LRP1B: variants seen among roughly 807,000 people sequenced by gnomAD.
LRP1B encodes the protein LDL receptor related protein 1B, also known as low-density lipoprotein receptor-related protein 1B.
LRP1B carries 217 observed loss-of-function variants against 556.6 expected under a neutral mutation model. That is an observed-to-expected ratio of 0.39 (90% CI 0.35 to 0.44). The LOEUF (loss-of-function observed/expected upper bound fraction) is 0.44. LRP1B is among the 20% of genes least tolerant of loss of function. LRP1B has a pLI of 1.00. For missense variants in LRP1B, 5,053 were observed against 5,620.8 expected (o/e 0.90, Z 3.23); for synonymous variants, 2,047 against 1,865.8 (o/e 1.10, Z -2.50).
At chr2:140,302,500 T>C (rs1221997300) in intron 83 of LRP1B, among the ~76,000 whole-genome samples, 1 of 152,198 alleles carries the variant, frequency 6.6e-6, no homozygotes, top group Non-Finnish European at 1.5e-5. Flanking sequence ...AGATAATTAC[T>C]ATGATGGTTC....
Position 140,410,280 on chromosome 2 carries a change from AT to A in LRP1B, c.10415-24272del, listed in dbSNP as rs1392680352. Among the ~76,000 whole-genome samples the A allele has an allele frequency of 7.9e-5, 12 of 152,196 alleles. No individual in the cohort carries two copies. The South Asian group carries it at 2.5e-3, about 32-fold the overall frequency. ...CTTACAGTTCAACTAGGTGTTACAT[AT>A]CAATAAATGATCACATTAGCCTTTA... On this transcript the variant is annotated intron_variant, in intron 66 of 90. Transcript: ENST00000389484.
chr2:140,454,861 A>G (rs1687032639), intron 62 of LRP1B, among the ~76,000 whole-genome samples: 2 of 148,540 alleles, frequency 1.3e-5, no homozygotes, highest in South Asian at 2.1e-4. Context: ...CTGTGCTTCA[A>G]AGAATGCTGT....
Position 140,247,144 on chromosome 2 carries a change from T to C in LRP1B, c.13266A>G (p.Ser4422=), listed in dbSNP as rs2104899214. 1 of 1,608,780 alleles carries C rather than the reference T, an allele frequency of 6.2e-7. No individual in the cohort carries two copies. The highest frequency in any genetic ancestry group is 8.5e-7 in the Non-Finnish European group (1 of 1,176,212). ...VPVCLCSTNW[S]GTQCERPAPK... ...GGGCTGGCCTTTCACACTGTGTGCC[T>C]GACCAGTTGGTGGAGCATCTAAAAA... is the stretch of plus-strand genomic sequence containing the variant. The change falls in exon 87 of 91, where the codon TCA becomes TCG. Residue 4422 remains serine (S), a synonymous_variant. Transcript: ENST00000389484.
chr2:140,805,647 A>G (rs536155022), intron 32 of LRP1B, among the ~76,000 whole-genome samples: 31 of 152,306 alleles, frequency 2.0e-4, no homozygotes, highest in Admixed American at 7.8e-4. Context: ...TTTAACCAAT[A>G]TAATCATTTA....
intron 7 of LRP1B, among the ~76,000 whole-genome samples, chr2:141,065,294 A>G (rs116036184): frequency 0.016 from 2,463 of 151,992 alleles, 30 homozygotes; most frequent in Middle Eastern, 0.027. Flanking sequence ...AAGGTTAGGA[A>G]AGACAAGGAC....
At chr2:141,880,399 G>A (rs746271529) in intron 1 of LRP1B, among the ~76,000 whole-genome samples, 1 of 151,938 alleles carries the variant, frequency 6.6e-6, no homozygotes, top group Non-Finnish European at 1.5e-5. Flanking sequence ...TTATAAATAT[G>A]TGATACATAT....
intron 62 of LRP1B, among the ~76,000 whole-genome samples, chr2:140,451,852 A>T (rs977833401): frequency 2.6e-5 from 4 of 152,162 alleles, no homozygotes; most frequent in African/African-American, 4.8e-5. Flanking sequence ...ACCTAAAAAA[A>T]AAACTTTTCA....
chr2:141,508,285 A>C (rs1272158529), intron 2 of LRP1B, among the ~76,000 whole-genome samples: 1 of 152,090 alleles, frequency 6.6e-6, no homozygotes, highest in African/African-American at 2.4e-5. Flanking sequence ...ACTTTTACAG[A>C]AGGTATTTGA....
At chr2:141,511,040 T>A (rs1396911985) in intron 2 of LRP1B, among the ~76,000 whole-genome samples, 1 of 152,088 alleles carries the variant, frequency 6.6e-6, no homozygotes, top group African/African-American at 2.4e-5. Context: ...CTTAAGGTAA[T>A]AAGGTTAGAG....
intron 3 of LRP1B, among the ~76,000 whole-genome samples, chr2:141,451,779 T>C (rs1276260946): frequency 1.3e-5 from 2 of 152,218 alleles, no homozygotes; most frequent in Non-Finnish European, 1.5e-5. Flanking sequence ...CTTTTGTCAA[T>C]AGAAGTTATT....
intron 2 of LRP1B, among the ~76,000 whole-genome samples, chr2:141,501,410 A>G (rs1683706701): frequency 6.6e-6 from 1 of 152,180 alleles, no homozygotes; most frequent in Non-Finnish European, 1.5e-5. Context: ...TAAAAGGAGA[A>G]ATCATAGTAT....
At chr2:141,899,302 A>T (rs771902112) in intron 1 of LRP1B, among the ~76,000 whole-genome samples, 2 of 152,088 alleles carry the variant, frequency 1.3e-5, no homozygotes, top group Non-Finnish European at 2.9e-5. Context: ...TCGCAACATA[A>T]GATTTTCTAA....
chr2:141,043,035 T>C (rs139276310), intron 11 of LRP1B, among the ~76,000 whole-genome samples: 1 of 35,380 alleles, frequency 2.8e-5, no homozygotes, highest in Non-Finnish European at 9.0e-5. Context: ...CTACAAAAAA[T>C]ACAAAAAAAA....
At chr2:140,669,110 T>A (rs1368363573) in intron 41 of LRP1B, among the ~76,000 whole-genome samples, 1 of 152,206 alleles carries the variant, frequency 6.6e-6, no homozygotes, top group African/African-American at 2.4e-5. Context: ...TATCAGGGTA[T>A]CTGCATTCAA....
chr2:140,660,453 T>C (rs1301870499), intron 41 of LRP1B, among the ~76,000 whole-genome samples: 1 of 152,178 alleles, frequency 6.6e-6, no homozygotes, highest in Non-Finnish European at 1.5e-5. Context: ...TTTAATTCTT[T>C]ATAAATGCTG....
At chr2:141,670,838 A>G (rs997175106) in intron 2 of LRP1B, among the ~76,000 whole-genome samples, 1 of 152,198 alleles carries the variant, frequency 6.6e-6, no homozygotes, top group Non-Finnish European at 1.5e-5. Flanking sequence ...AGATTTACAA[A>G]TTTGCCATAT....
intron 86 of LRP1B, among the ~76,000 whole-genome samples, chr2:140,250,497 G>T (rs115080947): frequency 6.6e-6 from 1 of 150,928 alleles, no homozygotes; most frequent in African/African-American, 2.4e-5. Context: ...ATGGTAAAGG[G>T]TATTGATTTA....
chr2:141,526,595 C>T (rs755156339), intron 2 of LRP1B, among the ~76,000 whole-genome samples: 1 of 151,964 alleles, frequency 6.6e-6, no homozygotes, highest in Non-Finnish European at 1.5e-5. Flanking sequence ...AATCAAGTGA[C>T]TATTATAACC....
At chr2:142,086,098 A>T (rs1705908520) in intron 1 of LRP1B, among the ~76,000 whole-genome samples, 1 of 152,192 alleles carries the variant, frequency 6.6e-6, no homozygotes. Context: ...TTCCTTATAT[A>T]ACTAACAGGG....
Sources: gnomAD v4.1 joint callset for allele counts (sites outside exome capture counted in the v4.1 genomes callset) on GRCh38, gnomAD v4.1.1 for gene constraint, MANE v1.5 for transcripts, NCBI Gene and HGNC (gene_info 2026-07-23, HGNC 2026-07-21) for gene names.